Variants in PLPP3 observed in about 807,000 individuals in gnomAD.
The protein encoded by PLPP3 is phospholipid phosphatase 3.
In PLPP3, 6 loss-of-function variants were observed where a neutral mutation model predicts 29.6. The ratio of observed to expected loss-of-function variants is 0.20; its 90% CI spans 0.11 to 0.40. The LOEUF is 0.40. PLPP3 is among the 10% of genes least tolerant of loss of function. The pLI, the probability that PLPP3 is intolerant of heterozygous loss-of-function variation, is 1.00. For missense variants in PLPP3, 308 were observed against 407.7 expected (o/e 0.76, Z 2.11); for synonymous variants, 152 against 159.7 (o/e 0.95, Z 0.36).
chr1:56,545,546 T>C (rs1170576666), intron 1 of PLPP3, among the ~76,000 whole-genome samples: 1 of 152,066 alleles, frequency 6.6e-6, no homozygotes, highest in Non-Finnish European at 1.5e-5. Context: ...GGTAGACAAA[T>C]GGGGCTTTGA....
Position 56,519,046 on chromosome 1 carries a change from G to A in PLPP3, c.633+4777C>T, listed in dbSNP as rs190963471. Among the ~76,000 whole-genome samples the A allele has an allele frequency of 2.1e-3, 319 of 151,658 alleles. 2 individuals carry two copies. The highest frequency in any genetic ancestry group is 7.3e-3 in the African/African-American group (300 of 41,292). The stretch of plus-strand genomic sequence containing the variant: ...GTGCAGATTTCGGGGTGGGGTGCGG[G>A]GAGAACAGCAGCTAAGGAAAGGCCT... On this transcript the variant is annotated intron_variant, in intron 4 of 5. Coordinates refer to ENST00000371250, the MANE Select transcript of PLPP3 (RefSeq NM_003713.5).
intron 4 of PLPP3, among the ~76,000 whole-genome samples, chr1:56,515,882 T>C (rs942413635): frequency 1.1e-4 from 17 of 152,068 alleles, no homozygotes; most frequent in Non-Finnish European, 2.4e-4. Context: ...CTCTGTAAAA[T>C]AGGTAGAACA....
intron 1 of PLPP3, among the ~76,000 whole-genome samples, chr1:56,539,763 A>G (rs1172593781): frequency 6.6e-6 from 1 of 152,196 alleles, no homozygotes; most frequent in African/African-American, 2.4e-5. Flanking sequence ...AACCATCTTC[A>G]TGCCACTGCC....
chr1:56,570,827 A>G (rs771530370), intron 1 of PLPP3, among the ~76,000 whole-genome samples: 3 of 152,224 alleles, frequency 2.0e-5, no homozygotes, highest in Non-Finnish European at 4.4e-5. Context: ...TCATTTGAAA[A>G]AGGTGGCACC....
chr1:56,576,800 A>G (rs1280661727), intron 1 of PLPP3, among the ~76,000 whole-genome samples: 1 of 152,218 alleles, frequency 6.6e-6, no homozygotes, highest in Non-Finnish European at 1.5e-5. Flanking sequence ...TGAAACATGC[A>G]TATGCACACA....
intron 1 of PLPP3, among the ~76,000 whole-genome samples, chr1:56,547,239 T>C (rs1646011876): frequency 6.6e-6 from 1 of 152,214 alleles, no homozygotes; most frequent in South Asian, 2.1e-4. Context: ...ATGTTATTTA[T>C]CTCTGTGTCC....
intron 2 of PLPP3, among the ~76,000 whole-genome samples, chr1:56,526,218 G>T (rs56322312): frequency 0.1 from 15,144 of 152,162 alleles, 792 homozygotes; most frequent in African/African-American, 0.14. Context: ...AACAAATGAA[G>T]GAAAGGGAGC....
chr1:56,523,815 G>A lies in PLPP3; in HGVS notation c.633+8C>T. On this transcript the variant is annotated splice_region_variant and intron_variant, in intron 4 of 5. Coordinates refer to ENST00000371250, the MANE Select transcript of PLPP3 (RefSeq NM_003713.5). ...GAGCACTGCTCAAATCAAAGGGTGG[G>A]TACTTACCACCAAATACAGCATAGT... 6 of 1,612,400 alleles carry A rather than the reference G, an allele frequency of 3.7e-6. No individual in the cohort carries two copies. The highest frequency in any genetic ancestry group is 5.1e-6 in the Non-Finnish European group (6 of 1,178,510).
chr1:56,568,593 C>T (rs1442320850), intron 1 of PLPP3, among the ~76,000 whole-genome samples: 1 of 152,132 alleles, frequency 6.6e-6, no homozygotes, highest in Non-Finnish European at 1.5e-5. Context: ...CAGAGGCTCC[C>T]AACCTGGAGT....
At chr1:56,534,186 T>TA (rs1340150885) in intron 2 of PLPP3, among the ~76,000 whole-genome samples, 6 of 152,238 alleles carry the variant, frequency 3.9e-5, no homozygotes, top group African/African-American at 1.4e-4. Flanking sequence ...CTCCTAGTCT[T>TA]ACTGCTGCTA....
At chr1:56,556,498 T>C (rs1341882865) in intron 1 of PLPP3, among the ~76,000 whole-genome samples, 1 of 152,184 alleles carries the variant, frequency 6.6e-6, no homozygotes, top group African/African-American at 2.4e-5. Flanking sequence ...ATGGCAATAG[T>C]ATTTATGGTA....
At chr1:56,535,113 T>C (rs1266087443) in intron 2 of PLPP3, among the ~76,000 whole-genome samples, 1 of 152,220 alleles carries the variant, frequency 6.6e-6, no homozygotes, top group Non-Finnish European at 1.5e-5. Context: ...TTACTTTATA[T>C]ACATTAGCTC....
At chr1:56,522,322 C>T (rs1290332142) in intron 4 of PLPP3, among the ~76,000 whole-genome samples, 1 of 152,174 alleles carries the variant, frequency 6.6e-6, no homozygotes, top group Admixed American at 6.5e-5. Context: ...GGCTTCAAAA[C>T]AATCCAGTAT....
intron 1 of PLPP3, among the ~76,000 whole-genome samples, chr1:56,542,962 G>C (rs1645980011): frequency 1.3e-5 from 2 of 150,476 alleles, no homozygotes; most frequent in South Asian, 4.2e-4. Flanking sequence ...GTTGCAGTAA[G>C]CCAAGATTGC....
intron 1 of PLPP3, among the ~76,000 whole-genome samples, chr1:56,540,316 C>T (rs1273067554): frequency 1.3e-5 from 2 of 152,108 alleles, no homozygotes; most frequent in Non-Finnish European, 1.5e-5. Context: ...AAGAAGCTTA[C>T]AATCCAGCAG....
chr1:56,556,103 G>C (rs1646074874), intron 1 of PLPP3, among the ~76,000 whole-genome samples: 1 of 152,196 alleles, frequency 6.6e-6, no homozygotes, highest in Non-Finnish European at 1.5e-5. Context: ...CACATAATTT[G>C]AGGGGTAGAG....
intron 5 of PLPP3, among the ~76,000 whole-genome samples, chr1:56,503,329 C>T (rs147570164): frequency 1.3e-3 from 205 of 152,274 alleles, no homozygotes; most frequent in African/African-American, 4.7e-3. Context: ...TGAATTTATA[C>T]AAGATTAAAA....
At chr1:56,557,271 G>A (rs534730337) in intron 1 of PLPP3, among the ~76,000 whole-genome samples, 4 of 151,468 alleles carry the variant, frequency 2.6e-5, no homozygotes, top group African/African-American at 4.8e-5. Flanking sequence ...CCAGCTACTC[G>A]GGAGGTTGAG....
At chr1:56,571,887 G>A (rs1250623037) in intron 1 of PLPP3, among the ~76,000 whole-genome samples, 2 of 151,970 alleles carry the variant, frequency 1.3e-5, no homozygotes, top group East Asian at 3.9e-4. Context: ...TAACATCTCT[G>A]AGCTACAGTT....
Sources: gnomAD v4.1 joint callset for allele counts (sites outside exome capture counted in the v4.1 genomes callset) on GRCh38, gnomAD v4.1.1 for gene constraint, MANE v1.5 for transcripts, NCBI Gene and HGNC (gene_info 2026-07-23, HGNC 2026-07-21) for gene names.